Variants in KALRN observed in about 807,000 individuals in gnomAD.
The protein encoded by KALRN is kalirin.
Under a neutral mutation model 353.7 loss-of-function variants are expected in KALRN, and 70 were observed. The ratio of observed to expected loss-of-function variants is 0.20; its 90% CI spans 0.16 to 0.24. The LOEUF is 0.24. Ranked by LOEUF, KALRN falls within the 10% of genes least tolerant of loss-of-function variation. The probability of loss-of-function intolerance (pLI) is 1.00; values close to 1 mark genes in which losing one functional copy is unlikely to be tolerated. For synonymous variants in KALRN, 1,391 were observed against 1,434.8 expected, an observed-to-expected ratio of 0.97 and a Z score of 0.69; for missense variants, 2,791 against 3,756.7, an observed-to-expected ratio of 0.74 and a Z score of 6.72.
Position 124,723,220 on chromosome 3 carries a change from AT to A in KALRN, c.*3753del. ...GATGGGAGATAAAGAAGTTCATTGCATTTAGATGTACTGATATTGCAGCATT... is the reference window on the plus strand; with the variant it reads ...GATGGGAGATAAAGAAGTTCATTGCATTAGATGTACTGATATTGCAGCATT... On this transcript the variant is annotated 3_prime_UTR_variant, in exon 60 of 60. Transcript: ENST00000682506. 6.6e-6 allele frequency: 1 copy of A among 152,324 alleles called. No individual in the cohort carries two copies. Among genetic ancestry groups the A allele is most frequent in the Non-Finnish European group, 1.5e-5 (1 of 68,022 alleles). The allele number at this position is 152,324 out of a possible 1,614,324, so 9.4% of individuals were successfully genotyped here. A position where few individuals can be genotyped will look rare whatever the true frequency, so the allele number is the denominator to read the frequency against.
intron 38 of KALRN, among the ~76,000 whole-genome samples, chr3:124,652,302 T>C (rs1365908601): frequency 6.6e-6 from 1 of 152,250 alleles, no homozygotes; most frequent in African/African-American, 2.4e-5. Context: ...ACAAGTAGCA[T>C]GTAAATCTTG....
At chr3:124,324,590 A>G (rs2079682087) in intron 6 of KALRN, among the ~76,000 whole-genome samples, 1 of 152,170 alleles carries the variant, frequency 6.6e-6, no homozygotes, top group African/African-American at 2.4e-5. Flanking sequence ...AAAAAGAGAG[A>G]TGACACATAG....
intron 1 of KALRN, among the ~76,000 whole-genome samples, chr3:124,101,078 G>C (rs1339499412): frequency 6.6e-6 from 1 of 152,208 alleles, no homozygotes; most frequent in African/African-American, 2.4e-5. Flanking sequence ...AACTGTGTAA[G>C]AACGCAATCT....
intron 37 of KALRN, among the ~76,000 whole-genome samples, chr3:124,641,949 T>G (rs960991047): frequency 6.6e-6 from 1 of 152,150 alleles, no homozygotes; most frequent in African/African-American, 2.4e-5. Context: ...GCCCCAGAAT[T>G]CTACTATCTT....
chr3:124,269,315 A>T (rs899665570), intron 5 of KALRN, 60 bp downstream of exon 5: 2 of 1,496,140 alleles, frequency 1.3e-6, no homozygotes, highest in Admixed American at 2.2e-5. Flanking sequence ...GAGGTTGCTC[A>T]TCCAACTTTC....
At chr3:124,310,759 A>G (rs938186170) in intron 6 of KALRN, among the ~76,000 whole-genome samples, 17 of 152,180 alleles carry the variant, frequency 1.1e-4, no homozygotes, top group Admixed American at 1.0e-3. Flanking sequence ...TTAAAAATGG[A>G]TAAGTTGGAC....
chr3:124,065,968 C>T (rs2042324592), intron 1 of KALRN, among the ~76,000 whole-genome samples: 1 of 152,156 alleles, frequency 6.6e-6, no homozygotes, highest in Non-Finnish European at 1.5e-5. Context: ...GCTCACTTTC[C>T]AGTTTTGGTG....
At chr3:124,661,700 C>G (rs980908797) in intron 44 of KALRN, 151 bp from the exon 45 acceptor site, 1 of 680,568 alleles carries the variant, frequency 1.5e-6, no homozygotes. Flanking sequence ...AAGCCCCACA[C>G]TCTCTGAGAG....
At chr3:124,203,304 G>A (rs1204635601) in intron 1 of KALRN, among the ~76,000 whole-genome samples, 1 of 152,064 alleles carries the variant, frequency 6.6e-6, no homozygotes, top group Non-Finnish European at 1.5e-5. Context: ...CCATTCTCCT[G>A]GGCTCTTCAT....
chr3:124,047,791 C>T (rs551665423), intron 1 of KALRN, among the ~76,000 whole-genome samples: 3 of 152,028 alleles, frequency 2.0e-5, no homozygotes, highest in South Asian at 2.1e-4. Flanking sequence ...GCATGAGCCA[C>T]GGCGCCCGGC....
chr3:124,130,423 A>G (rs2065145137), intron 1 of KALRN, among the ~76,000 whole-genome samples: 1 of 152,214 alleles, frequency 6.6e-6, no homozygotes, highest in Non-Finnish European at 1.5e-5. Flanking sequence ...AACATCAGTT[A>G]TCTGGAAACA....
chr3:124,706,131 T>G (rs2062603061), intron 57 of KALRN, among the ~76,000 whole-genome samples: 1 of 152,108 alleles, frequency 6.6e-6, no homozygotes. Context: ...GGTCTCGAAT[T>G]CCCAGTTTCA....
intron 13 of KALRN, among the ~76,000 whole-genome samples, chr3:124,401,644 G>A (rs775914626): frequency 1.3e-5 from 2 of 152,200 alleles, no homozygotes; most frequent in Admixed American, 6.5e-5. Context: ...CTCATAAAAT[G>A]AGGGAGAGAA....
At position 124,616,317 on chromosome 3, in the gene KALRN, G is replaced by T. The variant is rs115559094; in HGVS notation, c.5183-16103G>T. On this transcript the variant is annotated intron_variant, in intron 34 of 59. Coordinates refer to ENST00000682506, the MANE Select transcript of KALRN (RefSeq NM_001388419.1). ...AGGTTACTACTGAAGGGCACATTGT[G>T]AGTTGAATCCAGGCCAGGCTTCCCA... is the stretch of plus-strand genomic sequence containing the variant. 2.9e-3 allele frequency among the ~76,000 whole-genome samples: 446 copies of T among 152,296 alleles called. 3 individuals carry two copies. The highest frequency in any genetic ancestry group is 0.01 in the African/African-American group (425 of 41,554).
chr3:124,681,033 C>G (rs1432271500), intron 51 of KALRN, among the ~76,000 whole-genome samples: 1 of 152,120 alleles, frequency 6.6e-6, no homozygotes, highest in Non-Finnish European at 1.5e-5. Context: ...TTATAGATGT[C>G]AGCTGCAAGT....
intron 34 of KALRN, among the ~76,000 whole-genome samples, chr3:124,627,835 A>G (rs139702535): frequency 4.9e-4 from 75 of 152,346 alleles, no homozygotes; most frequent in African/African-American, 1.8e-3. Flanking sequence ...CTGAGATAAG[A>G]TTACAGCTTT....
Position 124,482,837 on chromosome 3 carries a change from C to G in KALRN, c.4221C>G (p.Asn1407Lys). The G allele has an allele frequency of 6.2e-7, 1 of 1,613,692 alleles. No individual in the cohort carries two copies. Among genetic ancestry groups the G allele is most frequent in the African/African-American group, 1.3e-5 (1 of 75,042 alleles). The change falls in exon 28 of 60, where the codon AAC (asparagine) becomes AAG (lysine). Residue 1407 changes from asparagine to lysine, a missense_variant. Around this residue, in one of 11 missense-constraint regions of KALRN, gnomAD observed 54 missense variants for 131.7 expected, o/e 0.41. Transcript: ENST00000682506. ...TACAACAGCGGCATGGTCTGGCCAA[C>G]TCCATCTCTTCCTACCTAATTAAGC... ...DEIQQRHGLA[N>K]SISSYLIKPV...
chr3:124,644,641 G>A lies in KALRN; in HGVS notation c.5665-6167G>A, dbSNP rs138063348. 2.4e-3 allele frequency among the ~76,000 whole-genome samples: 363 copies of A among 152,232 alleles called. 1 individual carries two copies. The highest frequency in any genetic ancestry group is 8.1e-3 in the African/African-American group (338 of 41,532). ...GGTTTCCAGCTTCCTCCATGTCCCCGCAAAGGACATGAACTCATCCTTTTT... is the reference window on the plus strand; with the variant it reads ...GGTTTCCAGCTTCCTCCATGTCCCCACAAAGGACATGAACTCATCCTTTTT... On this transcript the variant is annotated intron_variant, in intron 37 of 59. Coordinates refer to ENST00000682506, the MANE Select transcript of KALRN (RefSeq NM_001388419.1).
At chr3:124,642,806 G>GTTTTTTTGTTGTTGTTGTTGT (rs1553707032) in intron 37 of KALRN, among the ~76,000 whole-genome samples, 1 of 96,840 alleles carries the variant, frequency 1.0e-5, no homozygotes, top group African/African-American at 4.5e-5. Flanking sequence ...CCCAAGCCTC[G>GTTTTTTTGTTGTTGTTGTTGT]TTTTTTTTTT....
Sources: gnomAD v4.1 joint callset for allele counts (sites outside exome capture counted in the v4.1 genomes callset) on GRCh38, gnomAD v4.1.1 for gene constraint, gnomAD v4.1.1 regional missense constraint, MANE v1.5 for transcripts, NCBI Gene and HGNC (gene_info 2026-07-23, HGNC 2026-07-21) for gene names.